The following HS2ST1 variants were observed in gnomAD, a reference collection of about 807,000 sequenced individuals.
HS2ST1 encodes heparan sulfate 2-O-sulfotransferase 1.
In HS2ST1, 18 loss-of-function variants were observed where a neutral mutation model predicts 42.9. The observed-to-expected ratio is 0.42, with a 90% CI of 0.29 to 0.62. HS2ST1 has a LOEUF of 0.62. Ranked by LOEUF, HS2ST1 falls within the 20% of genes least tolerant of loss-of-function variation. HS2ST1 has a pLI of 0.21. For missense variants in HS2ST1, 334 were observed against 433.8 expected, an observed-to-expected ratio of 0.77 and a Z score of 2.04; for synonymous variants, 146 against 152.9, an observed-to-expected ratio of 0.95 and a Z score of 0.33.
At chr1:86,994,584 T>C (rs1016636091) in intron 1 of HS2ST1, among the ~76,000 whole-genome samples, 1 of 152,146 alleles carries the variant, frequency 6.6e-6, no homozygotes, top group African/African-American at 2.4e-5. Flanking sequence ...AATTTGTTTC[T>C]TTAAAACAAA....
At chr1:86,988,966 C>T (rs745730971) in intron 1 of HS2ST1, among the ~76,000 whole-genome samples, 7 of 152,214 alleles carry the variant, frequency 4.6e-5, no homozygotes, top group African/African-American at 7.2e-5. Context: ...ATTCCTATAA[C>T]GAGACTGATC....
At chr1:87,032,634 A>C (rs144607910) in intron 1 of HS2ST1, among the ~76,000 whole-genome samples, 3 of 152,292 alleles carry the variant, frequency 2.0e-5, no homozygotes, top group African/African-American at 2.4e-5. Context: ...ACAGCTCTTT[A>C]CTATCAGAGA....
intron 1 of HS2ST1, among the ~76,000 whole-genome samples, chr1:87,051,391 A>G (rs1388160738): frequency 2.0e-5 from 3 of 152,180 alleles, no homozygotes; most frequent in Non-Finnish European, 2.9e-5. Flanking sequence ...ATCAACCCAT[A>G]CCTTTTCATA....
At chr1:86,945,084 G>A (rs557105711) in intron 1 of HS2ST1, among the ~76,000 whole-genome samples, 6 of 152,120 alleles carry the variant, frequency 3.9e-5, no homozygotes, top group African/African-American at 1.4e-4. Flanking sequence ...AGCAAGCTTC[G>A]GGGGTCAGAC....
intron 1 of HS2ST1, among the ~76,000 whole-genome samples, chr1:86,918,273 A>G (rs529274612): frequency 1.3e-5 from 2 of 152,126 alleles, no homozygotes; most frequent in South Asian, 2.1e-4. Context: ...CAAATATGGC[A>G]TTGTAGTCCA....
intron 1 of HS2ST1, among the ~76,000 whole-genome samples, chr1:87,069,290 G>A (rs1180292661): frequency 6.6e-6 from 1 of 152,146 alleles, no homozygotes; most frequent in Non-Finnish European, 1.5e-5. Context: ...AAAACATTAC[G>A]ACAAAATGTA....
intron 1 of HS2ST1, among the ~76,000 whole-genome samples, chr1:87,024,106 T>G (rs1650023940): frequency 6.6e-6 from 1 of 152,240 alleles, no homozygotes. Flanking sequence ...TAAAGAGCAG[T>G]GTCTTAAAGA....
intron 1 of HS2ST1, among the ~76,000 whole-genome samples, chr1:87,036,358 A>T (rs1650375914): frequency 6.6e-6 from 1 of 152,160 alleles, no homozygotes; most frequent in African/African-American, 2.4e-5. Context: ...CTGGGTCTAG[A>T]TCCTTGAGGA....
At chr1:87,064,633 G>T (rs528329376) in intron 1 of HS2ST1, 3 of 448,846 alleles carry the variant, frequency 6.7e-6, no homozygotes, top group Non-Finnish European at 8.8e-6. Context: ...GTCCCCCATG[G>T]TGATTGTGCT....
At chr1:87,031,748 C>T (rs552921194) in intron 1 of HS2ST1, among the ~76,000 whole-genome samples, 11 of 152,062 alleles carry the variant, frequency 7.2e-5, no homozygotes, top group Non-Finnish European at 1.5e-4. Flanking sequence ...TGTTTAAAAT[C>T]TGCTGATCTA....
chr1:86,965,793 A>G (rs1176450517), intron 1 of HS2ST1, among the ~76,000 whole-genome samples: 1 of 152,202 alleles, frequency 6.6e-6, no homozygotes, highest in East Asian at 1.9e-4. Flanking sequence ...AAAAAATAGC[A>G]TTAAAGTTAG....
chr1:86,992,985 G>T (rs1461861698), intron 1 of HS2ST1: 2 of 1,336,328 alleles, frequency 1.5e-6, no homozygotes, highest in Admixed American at 4.8e-5. Context: ...CTTGGCGTCT[G>T]TGTCTATGTT....
chr1:87,056,927 G>A (rs1403980601), intron 1 of HS2ST1, among the ~76,000 whole-genome samples: 2 of 152,132 alleles, frequency 1.3e-5, no homozygotes, highest in East Asian at 3.9e-4. Flanking sequence ...AATTGAAAAA[G>A]AATATTTCCA....
intron 5 of HS2ST1, among the ~76,000 whole-genome samples, chr1:87,101,147 G>GTGTTTTT (rs1190460740): frequency 1.3e-5 from 1 of 75,892 alleles, no homozygotes; most frequent in Non-Finnish European, 2.5e-5. Context: ...GTGTGTGTGT[G>GTGTTTTT]TGTTTTTTGT....
At chr1:87,070,993 G>T (rs949361019) in intron 1 of HS2ST1, among the ~76,000 whole-genome samples, 7 of 152,208 alleles carry the variant, frequency 4.6e-5, no homozygotes, top group Non-Finnish European at 8.8e-5. Context: ...CTATCCAACA[G>T]TGTATTCAAT....
intron 1 of HS2ST1, among the ~76,000 whole-genome samples, chr1:86,963,744 G>GCCCC (rs370405012): frequency 4.7e-5 from 6 of 127,266 alleles, no homozygotes; most frequent in African/African-American, 9.2e-5. Context: ...AGGCAGAGGC[G>GCCCC]CCCCCCCCCC....
chr1:86,966,224 C>T (rs1032747931), intron 1 of HS2ST1, among the ~76,000 whole-genome samples: 4 of 152,134 alleles, frequency 2.6e-5, no homozygotes, highest in African/African-American at 9.7e-5. Flanking sequence ...GTAGCTATGT[C>T]TTCTATTAAA....
At chr1:86,993,498 T>C (rs986824277) in intron 1 of HS2ST1, among the ~76,000 whole-genome samples, 1 of 152,238 alleles carries the variant, frequency 6.6e-6, no homozygotes, top group Non-Finnish European at 1.5e-5. Flanking sequence ...AAGTGCATTC[T>C]TATCAGTAAG....
At chr1:87,011,268 T>A (rs1570483113) in intron 1 of HS2ST1, among the ~76,000 whole-genome samples, 1 of 152,074 alleles carries the variant, frequency 6.6e-6, no homozygotes, top group East Asian at 1.9e-4. Flanking sequence ...TTCTTTTTAT[T>A]ATTATTTTTT....
Sources: gnomAD v4.1 joint callset for allele counts (sites outside exome capture counted in the v4.1 genomes callset) on GRCh38, gnomAD v4.1.1 for gene constraint, MANE v1.5 for transcripts, NCBI Gene and HGNC (gene_info 2026-07-23, HGNC 2026-07-21) for gene names.